TBC1D22A: variants seen among roughly 807,000 people sequenced by gnomAD.
TBC1D22A encodes the protein putative GTPase activator.
In TBC1D22A, 38 loss-of-function variants were observed where a neutral mutation model predicts 60.2. The observed-to-expected ratio is 0.63, with a 90% CI of 0.49 to 0.83. The LOEUF is 0.83. TBC1D22A is among the 40% of genes least tolerant of loss of function. The pLI, the probability that TBC1D22A is intolerant of heterozygous loss-of-function variation, is 0.00. For synonymous variants in TBC1D22A, 302 were observed against 281.7 expected (o/e 1.07, Z -0.72); for missense variants, 628 against 701.0 (o/e 0.90, Z 1.18).
Position 46,868,206 on chromosome 22 carries a change from G to A in TBC1D22A, c.638-10447G>A, listed in dbSNP as rs117148089. ...GTAAGAAAATGATTGCTTATTGGTA[G>A]CATGTAAATTTAGAGTCAGGAATGA... On this transcript the variant is annotated intron_variant, in intron 4 of 12. Coordinates refer to ENST00000337137, the MANE Select transcript of TBC1D22A (RefSeq NM_014346.5). 3.8e-3 allele frequency among the ~76,000 whole-genome samples: 575 copies of A among 152,290 alleles called. 16 individuals are homozygous for A. In the East Asian group the frequency reaches 0.06, roughly 16 times the overall value.
chr22:47,026,550 T>C (rs536431029), intron 10 of TBC1D22A, among the ~76,000 whole-genome samples: 3 of 152,364 alleles, frequency 2.0e-5, no homozygotes, highest in South Asian at 4.1e-4. Context: ...AACAAGAGTT[T>C]AGCAAGGGTT....
At chr22:46,807,865 G>A (rs1044247631) in intron 4 of TBC1D22A, among the ~76,000 whole-genome samples, 3 of 152,190 alleles carry the variant, frequency 2.0e-5, no homozygotes, top group Non-Finnish European at 2.9e-5. Context: ...CAGTTGGGAG[G>A]CCTAGGTGGG....
rs1175775807 is a variant in TBC1D22A at position 46,797,612 on chromosome 22, C to G, written c.629C>G (p.Thr210Arg). Residue 210 changes from threonine (T) to arginine (R), a missense_variant, in exon 4 of 13, where the codon ACG becomes AGG. Physicochemically the swap from Thr to Arg is moderately conservative, Grantham distance 71. Transcript: ENST00000337137. ...AAGCAGCTGCTTGCCGGCCCCAACA[C>G]GGACCTTGGTAAGCACCCTGCCCTC... ...KFKQLLAGPN[T>R]DLEELRRLSW... 1.2e-6 allele frequency: 2 copies of G among 1,606,788 alleles called. No individual in the cohort carries two copies. The highest frequency in any genetic ancestry group is 1.3e-5 in the African/African-American group (1 of 74,628).
intron 8 of TBC1D22A, among the ~76,000 whole-genome samples, chr22:46,966,816 C>A (rs995142775): frequency 6.6e-6 from 1 of 152,236 alleles, no homozygotes; most frequent in African/African-American, 2.4e-5. Flanking sequence ...TGTTCCCAGG[C>A]CCCGAGGCCT....
At chr22:46,932,015 C>A (rs1002809049) in intron 8 of TBC1D22A, among the ~76,000 whole-genome samples, 1 of 152,184 alleles carries the variant, frequency 6.6e-6, no homozygotes, top group East Asian at 1.9e-4. Flanking sequence ...CAGATTGATT[C>A]ATTGTCGAGG....
chr22:46,818,321 C>A (rs893976446), intron 4 of TBC1D22A, among the ~76,000 whole-genome samples: 6 of 152,140 alleles, frequency 3.9e-5, no homozygotes, highest in African/African-American at 1.4e-4. Context: ...GAAGTCTTTG[C>A]CCATGCCTAT....
chr22:46,799,415 A>G (rs142879167), intron 4 of TBC1D22A, among the ~76,000 whole-genome samples: 5 of 152,300 alleles, frequency 3.3e-5, no homozygotes, highest in East Asian at 1.9e-4. Context: ...CCTTCGCTGC[A>G]TATTTCCTAA....
At chr22:47,076,772 A>G (rs893206830) in intron 11 of TBC1D22A, among the ~76,000 whole-genome samples, 13 of 152,286 alleles carry the variant, frequency 8.5e-5, no homozygotes, top group Admixed American at 6.5e-4. Flanking sequence ...AGCAACAGCA[A>G]CAGCAACAAA....
chr22:46,823,808 A>C (rs1301974570), intron 4 of TBC1D22A, among the ~76,000 whole-genome samples: 2 of 152,226 alleles, frequency 1.3e-5, no homozygotes, highest in Admixed American at 6.5e-5. Context: ...TGCGTGCCAC[A>C]TGCCGTCACA....
At chr22:46,997,110 C>G (rs923228819) in intron 9 of TBC1D22A, among the ~76,000 whole-genome samples, 1 of 152,172 alleles carries the variant, frequency 6.6e-6, no homozygotes, top group African/African-American at 2.4e-5. Context: ...CTGAGTTCAC[C>G]CAACTATATC....
chr22:47,014,606 C>T (rs971549652), intron 10 of TBC1D22A, among the ~76,000 whole-genome samples: 1 of 152,256 alleles, frequency 6.6e-6, no homozygotes, highest in Non-Finnish European at 1.5e-5. Context: ...CTTCTCACGG[C>T]AGCTTGTTAG....
chr22:46,845,267 C>T (rs1003973124), intron 4 of TBC1D22A, among the ~76,000 whole-genome samples: 5 of 152,198 alleles, frequency 3.3e-5, no homozygotes, highest in African/African-American at 4.8e-5. Context: ...GACGTAAGGA[C>T]GTCTGTGCTT....
chr22:47,050,534 A>T (rs1456077670), intron 11 of TBC1D22A, among the ~76,000 whole-genome samples: 1 of 152,178 alleles, frequency 6.6e-6, no homozygotes, highest in Non-Finnish European at 1.5e-5. Flanking sequence ...GCTTGAGAGC[A>T]TCCGTTCAGA....
Position 47,009,943 on chromosome 22 carries a change from CAG to C in TBC1D22A, c.1201+12235_1201+12236del, listed in dbSNP as rs1569333213. On this transcript the variant is annotated intron_variant, in intron 10 of 12. Transcript: ENST00000337137. The surrounding 1 kb of genome is among the most constrained non-coding windows in gnomAD (Gnocchi z 5.8). ...TGGAAGACACTGGCTGAGTCTGAGT[CAG>C]GGGCACCGAGGTGACAGTGGCCATT... Among the ~76,000 whole-genome samples, 1 of 152,216 alleles carries C rather than the reference CAG, an allele frequency of 6.6e-6. No individual in the cohort carries two copies. The highest frequency in any genetic ancestry group is 2.4e-5 in the African/African-American group (1 of 41,448).
At chr22:46,840,727 T>C (rs2086719186) in intron 4 of TBC1D22A, among the ~76,000 whole-genome samples, 1 of 150,100 alleles carries the variant, frequency 6.7e-6, no homozygotes, top group African/African-American at 2.5e-5. Context: ...AGCGAGACTC[T>C]GTCTACAAAA....
At chr22:46,834,539 C>T (rs1041072685) in intron 4 of TBC1D22A, among the ~76,000 whole-genome samples, 2 of 152,332 alleles carry the variant, frequency 1.3e-5, no homozygotes, top group East Asian at 1.9e-4. Context: ...CCAGTGACCC[C>T]AGCCATGTGG....
At chr22:47,050,577 G>A (rs1274088111) in intron 11 of TBC1D22A, among the ~76,000 whole-genome samples, 3 of 152,218 alleles carry the variant, frequency 2.0e-5, no homozygotes, top group African/African-American at 4.8e-5. Flanking sequence ...GCTTGGGACC[G>A]CGTGTGAGGC....
chr22:46,784,382 A>G (rs930221631), intron 1 of TBC1D22A, among the ~76,000 whole-genome samples: 3 of 152,196 alleles, frequency 2.0e-5, no homozygotes, highest in Non-Finnish European at 4.4e-5. Context: ...TTTTTTAAAG[A>G]CAGATTTCAT....
intron 4 of TBC1D22A, among the ~76,000 whole-genome samples, chr22:46,869,955 C>T (rs1462825017): frequency 4.6e-5 from 7 of 152,210 alleles, no homozygotes; most frequent in African/African-American, 1.4e-4. Flanking sequence ...TGATATTTTA[C>T]ATCCAATTAG....
Sources: gnomAD v4.1 joint callset for allele counts (sites outside exome capture counted in the v4.1 genomes callset) on GRCh38, gnomAD v4.1.1 for gene constraint, Gnocchi (gnomAD v3.1) non-coding constraint, MANE v1.5 for transcripts, NCBI Gene and HGNC (gene_info 2026-07-23, HGNC 2026-07-21) for gene names.